Variants in GRIP1 observed in about 807,000 individuals in gnomAD.
GRIP1 encodes the protein glutamate receptor interacting protein 1.
GRIP1 carries 45 observed loss-of-function variants against 129.9 expected under a neutral mutation model. The ratio of observed to expected loss-of-function variants is 0.35; its 90% CI spans 0.27 to 0.44. The LOEUF (loss-of-function observed/expected upper bound fraction) is 0.44, where lower values mean the gene tolerates loss of function less well. Ranked by LOEUF, GRIP1 falls within the 20% of genes least tolerant of loss-of-function variation. The pLI, the probability that GRIP1 is intolerant of heterozygous loss-of-function variation, is 1.00. For missense variants in GRIP1, 1,196 were observed against 1,396.8 expected (o/e 0.86, Z 2.29); for synonymous variants, 530 against 520.8 (o/e 1.02, Z -0.24).
chr12:66,537,288 G>A (rs2061633763), intron 4 of GRIP1, among the ~76,000 whole-genome samples: 2 of 152,144 alleles, frequency 1.3e-5, no homozygotes, highest in South Asian at 4.1e-4. Context: ...CATGTAGCTA[G>A]TAAAATGTGG....
chr12:66,561,832 GC>G, intron 2 of GRIP1, among the ~76,000 whole-genome samples: 1 of 152,250 alleles, frequency 6.6e-6, no homozygotes, highest in East Asian at 1.9e-4. Flanking sequence ...GGTGGCTCAT[GC>G]CTGTAATCCT....
In GRIP1 at chr12:67,032,631, T is replaced by C. The variant is rs190877110; in HGVS notation, c.58+36419A>G. 2.2e-3 allele frequency among the ~76,000 whole-genome samples: 339 copies of C among 152,254 alleles called. 1 individual carries two copies. Among genetic ancestry groups the C allele is most frequent in the African/African-American group, 7.9e-3 (328 of 41,546 alleles). On this transcript the variant is annotated intron_variant, in intron 1 of 1. Transcript: ENST00000643019. Reference sequence around the variant, plus strand: ...TTGCACTATAGGACATTTAACAGCATCTCTGACTCCTACCCACTAAATGCA... The same window carrying C: ...TTGCACTATAGGACATTTAACAGCACCTCTGACTCCTACCCACTAAATGCA...
chr12:66,676,499 C>T (rs758270319), intron 1 of GRIP1, among the ~76,000 whole-genome samples: 7 of 152,150 alleles, frequency 4.6e-5, no homozygotes, highest in Non-Finnish European at 8.8e-5. Flanking sequence ...TGAAGCATTT[C>T]CTAAGAGCTC....
At chr12:67,068,965 C>T in intron 1 of GRIP1, 1 of 593,398 alleles carries the variant, frequency 1.7e-6, no homozygotes, top group Non-Finnish European at 2.1e-6. Flanking sequence ...GTGGACGGGT[C>T]GGGAGGGAGC....
chr12:66,600,781 G>A (rs532757625), intron 1 of GRIP1, among the ~76,000 whole-genome samples: 4 of 152,212 alleles, frequency 2.6e-5, no homozygotes, highest in South Asian at 4.1e-4. Context: ...CCCAGACTTC[G>A]ATGATCATAT....
chr12:66,693,888 T>C (rs186804501), intron 1 of GRIP1, among the ~76,000 whole-genome samples: 99 of 152,308 alleles, frequency 6.5e-4, no homozygotes, highest in African/African-American at 2.3e-3. Flanking sequence ...ATGATAAATT[T>C]AGTGGTTGAT....
At chr12:66,905,004 G>A (rs1360386826) in intron 1 of GRIP1, among the ~76,000 whole-genome samples, 1 of 152,136 alleles carries the variant, frequency 6.6e-6, no homozygotes, top group Non-Finnish European at 1.5e-5. Flanking sequence ...CCTCAACAAA[G>A]GAGATTTCAC....
chr12:66,944,549 T>C (rs184485412), intron 1 of GRIP1, among the ~76,000 whole-genome samples: 235 of 151,894 alleles, frequency 1.5e-3, no homozygotes, highest in Non-Finnish European at 2.7e-3. Flanking sequence ...GGGGGTGCCA[T>C]TCTGAGGGAA....
chr12:67,061,164 G>A (rs948529070), intron 1 of GRIP1, among the ~76,000 whole-genome samples: 8 of 152,110 alleles, frequency 5.3e-5, no homozygotes, highest in South Asian at 2.1e-4. Flanking sequence ...GGAAGACTAC[G>A]GATTGAAATT....
chr12:66,793,329 A>G (rs1020338631), intron 1 of GRIP1, among the ~76,000 whole-genome samples: 1 of 152,184 alleles, frequency 6.6e-6, no homozygotes, highest in Non-Finnish European at 1.5e-5. Flanking sequence ...GATTATACAC[A>G]AAGCTGAGTC....
At chr12:66,626,103 T>C (rs1278815655) in intron 1 of GRIP1, among the ~76,000 whole-genome samples, 2 of 152,062 alleles carry the variant, frequency 1.3e-5, no homozygotes, top group African/African-American at 2.4e-5. Flanking sequence ...CGTGGGCAGA[T>C]CAACTGAGCT....
At chr12:66,728,462 C>T (rs1473260554) in intron 1 of GRIP1, among the ~76,000 whole-genome samples, 3 of 152,116 alleles carry the variant, frequency 2.0e-5, no homozygotes, top group Admixed American at 2.0e-4. Context: ...AGCCATCACA[C>T]CCGTATTCAG....
rs376883045 is a variant in GRIP1 at position 66,529,922 on chromosome 12, A to T, written c.419-8T>A. ...CACTTGATCCTTGCACAGCTGAATA[A>T]AGGAAAGAGAGAAGGAAATATAACT... is the stretch of plus-strand genomic sequence containing the variant. On this transcript the variant is annotated splice_region_variant and splice_polypyrimidine_tract_variant and intron_variant, in intron 4 of 24. Transcript: ENST00000359742. 6.6e-7 allele frequency: 1 copy of T among 1,509,832 alleles called. No individual in the cohort carries two copies. The highest frequency in any genetic ancestry group is 1.1e-5 in the South Asian group (1 of 89,042). 93.5% of individuals were successfully genotyped at this position (1,509,832 alleles called of 1,614,324 possible). A position where few individuals can be genotyped will look rare whatever the true frequency, so the allele number is the denominator to read the frequency against.
chr12:66,837,303 T>C (rs1163490522), intron 1 of GRIP1, among the ~76,000 whole-genome samples: 1 of 152,126 alleles, frequency 6.6e-6, no homozygotes, highest in Non-Finnish European at 1.5e-5. Context: ...AAGAGTTGCA[T>C]TAACAAAAGT....
At chr12:66,939,906 C>T (rs1828822198) in intron 1 of GRIP1, among the ~76,000 whole-genome samples, 1 of 152,110 alleles carries the variant, frequency 6.6e-6, no homozygotes, top group Non-Finnish European at 1.5e-5. Flanking sequence ...CCTCCTTTCA[C>T]TATAATAAAG....
At chr12:66,643,884 C>T (rs139381460) in intron 1 of GRIP1, among the ~76,000 whole-genome samples, 62 of 152,210 alleles carry the variant, frequency 4.1e-4, no homozygotes, top group Admixed American at 6.5e-4. Context: ...TTTATCCTTA[C>T]GTATTTTCTG....
chr12:67,013,613 T>C (rs2042741140), intron 1 of GRIP1, among the ~76,000 whole-genome samples: 1 of 152,158 alleles, frequency 6.6e-6, no homozygotes, highest in South Asian at 2.1e-4. Flanking sequence ...CTTGTTGTTA[T>C]TTTACAGGGA....
chr12:66,791,781 G>A (rs1049772133), intron 1 of GRIP1, among the ~76,000 whole-genome samples: 4 of 152,072 alleles, frequency 2.6e-5, no homozygotes, highest in Admixed American at 2.0e-4. Context: ...CCTGTCACCC[G>A]AATAGTGTAC....
At chr12:66,518,576 A>G (rs1279099996) in intron 5 of GRIP1, among the ~76,000 whole-genome samples, 1 of 152,188 alleles carries the variant, frequency 6.6e-6, no homozygotes, top group Non-Finnish European at 1.5e-5. Flanking sequence ...TCATAGAAAC[A>G]TAGATGTTTC....
Sources: gnomAD v4.1 joint callset for allele counts (sites outside exome capture counted in the v4.1 genomes callset) on GRCh38, gnomAD v4.1.1 for gene constraint, MANE v1.5 for transcripts, NCBI Gene and HGNC (gene_info 2026-07-23, HGNC 2026-07-21) for gene names.